Variants in ATRNL1 observed in about 807,000 individuals in gnomAD.
ATRNL1 encodes the protein attractin-like protein 1.
Under a neutral mutation model 182.7 loss-of-function variants are expected in ATRNL1, and 95 were observed. The observed-to-expected ratio is 0.52, with a 90% CI of 0.44 to 0.62. ATRNL1 has a LOEUF of 0.62. Ranked by LOEUF, ATRNL1 falls within the 20% of genes least tolerant of loss-of-function variation. The pLI is 0.00. For missense variants in ATRNL1, 1,471 were observed against 1,679.5 expected (o/e 0.88, Z 2.17); for synonymous variants, 576 against 568.3 (o/e 1.01, Z -0.19).
intron 21 of ATRNL1, among the ~76,000 whole-genome samples, chr10:115,446,445 T>G (rs914071055): frequency 6.6e-6 from 1 of 151,992 alleles, no homozygotes; most frequent in Non-Finnish European, 1.5e-5. Context: ...CTTTCATCTT[T>G]AATTTTGTGG....
At chr10:115,632,009 A>C (rs1014782334) in intron 26 of ATRNL1, among the ~76,000 whole-genome samples, 4 of 152,278 alleles carry the variant, frequency 2.6e-5, no homozygotes, top group African/African-American at 9.6e-5. Flanking sequence ...TCTGCTGACC[A>C]AAATTTAAAT....
At chr10:115,448,967 A>T (rs548357783) in intron 21 of ATRNL1, among the ~76,000 whole-genome samples, 1 of 152,306 alleles carries the variant, frequency 6.6e-6, no homozygotes, top group Admixed American at 6.5e-5. Flanking sequence ...TCCTACGGAA[A>T]CTATTCCAAA....
intron 9 of ATRNL1, among the ~76,000 whole-genome samples, chr10:115,220,127 A>G (rs1849395214): frequency 6.6e-6 from 1 of 152,202 alleles, no homozygotes; most frequent in Non-Finnish European, 1.5e-5. Flanking sequence ...TAGCTGAAAG[A>G]GGAACACATG....
chr10:115,704,721 A>G (rs1473341297), intron 26 of ATRNL1, among the ~76,000 whole-genome samples: 2 of 151,844 alleles, frequency 1.3e-5, no homozygotes, highest in Non-Finnish European at 2.9e-5. Context: ...GGTCTTGCCT[A>G]CCTGTCTAGC....
At chr10:115,346,272 T>C (rs1855970914) in intron 19 of ATRNL1, among the ~76,000 whole-genome samples, 1 of 152,116 alleles carries the variant, frequency 6.6e-6, no homozygotes, top group African/African-American at 2.4e-5. Flanking sequence ...CTCCCCCACC[T>C]CCTTCCAGAC....
At chr10:115,208,526 C>A (rs1044315220) in intron 8 of ATRNL1, among the ~76,000 whole-genome samples, 9 of 151,990 alleles carry the variant, frequency 5.9e-5, no homozygotes, top group African/African-American at 1.9e-4. Context: ...GCTCCTTAGT[C>A]TTGTTAGAGT....
intron 28 of ATRNL1, among the ~76,000 whole-genome samples, chr10:115,911,520 TG>T (rs1952677892): frequency 6.6e-6 from 1 of 152,102 alleles, no homozygotes; most frequent in Non-Finnish European, 1.5e-5. Context: ...GATTTCACCA[TG>T]TTGGACAGGC....
rs1468892319 is a variant in ATRNL1, at chr10:115,868,836, T to G, written c.4018+20845T>G. ...AAGTCTTTATTCTTTTTTTTTTTTT[T>G]TTTTTTTTTTTGAGACGGAGTCTCG... On this transcript the variant is annotated intron_variant, in intron 28 of 28. Transcript: ENST00000355044. Among the ~76,000 whole-genome samples, 6 of 109,212 alleles carry G rather than the reference T, an allele frequency of 5.5e-5. No homozygotes were observed. The East Asian group carries it at 1.4e-3, about 26-fold the overall frequency. 71.6% of individuals were successfully genotyped at this position (109,212 alleles called of 152,430 possible).
chr10:115,667,042 A>T (rs1217119408), intron 26 of ATRNL1, among the ~76,000 whole-genome samples: 1 of 152,130 alleles, frequency 6.6e-6, no homozygotes, highest in Non-Finnish European at 1.5e-5. Flanking sequence ...TTTTATATGA[A>T]TATGTACATT....
chr10:115,723,223 A>G (rs1298097598), intron 26 of ATRNL1, among the ~76,000 whole-genome samples: 2 of 152,204 alleles, frequency 1.3e-5, no homozygotes, highest in Non-Finnish European at 2.9e-5. Context: ...AGGACATTTG[A>G]AGGTGGAGGA....
At position 115,792,183 on chromosome 10, in the gene ATRNL1, T is replaced by C. The variant is rs548276412; in HGVS notation, c.3904-55694T>C. ...TATGCAAATGAAACTTTATCATCAT[T>C]GGGACTGCTGCCTATTTGCAAGTAT... is the stretch of plus-strand genomic sequence containing the variant. On this transcript the variant is annotated intron_variant, in intron 27 of 28. Transcript: ENST00000355044. Among the ~76,000 whole-genome samples, 44 of 152,274 alleles carry C rather than the reference T, an allele frequency of 2.9e-4. 1 individual carries two copies. In the South Asian group the frequency reaches 8.7e-3, roughly 30 times the overall value.
intron 25 of ATRNL1, among the ~76,000 whole-genome samples, chr10:115,537,199 G>A (rs1219146497): frequency 6.6e-6 from 1 of 152,130 alleles, no homozygotes; most frequent in African/African-American, 2.4e-5. Context: ...ACGTTTTCTT[G>A]CAACTTAGTT....
At chr10:115,136,665 C>A (rs1303113033) in intron 5 of ATRNL1, among the ~76,000 whole-genome samples, 1 of 152,164 alleles carries the variant, frequency 6.6e-6, no homozygotes, top group South Asian at 2.1e-4. Context: ...TGCCTTTTCC[C>A]AAATATCATA....
chr10:115,592,933 G>GTCTGTCTA (rs3981283), intron 26 of ATRNL1, among the ~76,000 whole-genome samples: 71,730 of 151,438 alleles, frequency 0.47, 18,421 homozygotes, highest in East Asian at 0.83. Flanking sequence ...CTATCTGTCT[G>GTCTGTCTA]TCTGTCTATC....
intron 19 of ATRNL1, among the ~76,000 whole-genome samples, chr10:115,341,806 C>G (rs780348607): frequency 1.3e-5 from 2 of 151,982 alleles, no homozygotes; most frequent in Non-Finnish European, 2.9e-5. Flanking sequence ...GTCTTGAAAT[C>G]TGTTTTGTTT....
At chr10:115,896,859 A>G (rs1204728425) in intron 28 of ATRNL1, among the ~76,000 whole-genome samples, 1 of 152,176 alleles carries the variant, frequency 6.6e-6, no homozygotes, top group South Asian at 2.1e-4. Flanking sequence ...ATAAAAAGGC[A>G]TACATAAATA....
At chr10:115,781,340 T>C (rs2134189848) in intron 27 of ATRNL1, among the ~76,000 whole-genome samples, 1 of 152,118 alleles carries the variant, frequency 6.6e-6, no homozygotes, top group Admixed American at 6.5e-5. Context: ...GACCAGCAAT[T>C]CTCCTAGATA....
Position 115,498,946 on chromosome 10 carries a change from C to T in ATRNL1, c.3655-20317C>T, listed in dbSNP as rs1193693515. On this transcript the variant is annotated intron_variant, in intron 24 of 28. Coordinates refer to ENST00000355044, the MANE Select transcript of ATRNL1 (RefSeq NM_207303.4). The stretch of plus-strand genomic sequence containing the variant: ...AAGTCAATTTAGTGCATTTCCTTTA[C>T]AAAATGAGTACCTTTGGTTACTTAA... Among the ~76,000 whole-genome samples, 3 of 151,940 alleles carry T rather than the reference C, an allele frequency of 2.0e-5. No individual in the cohort carries two copies. The East Asian group carries it at 5.8e-4, about 29-fold the overall frequency.
At chr10:115,327,085 G>C (rs1854934236) in intron 18 of ATRNL1, among the ~76,000 whole-genome samples, 2 of 151,292 alleles carry the variant, frequency 1.3e-5, no homozygotes, top group South Asian at 4.2e-4. Flanking sequence ...TTGACAAATG[G>C]GATCTAATTA....
Sources: gnomAD v4.1 joint callset for allele counts (sites outside exome capture counted in the v4.1 genomes callset) on GRCh38, gnomAD v4.1.1 for gene constraint, MANE v1.5 for transcripts, NCBI Gene and HGNC (gene_info 2026-07-23, HGNC 2026-07-21) for gene names.